The following HMBOX1 variants were observed in gnomAD, a reference collection of about 807,000 sequenced individuals.
The protein encoded by HMBOX1 is homeobox containing 1.
In HMBOX1, 14 loss-of-function variants were observed where a neutral mutation model predicts 54.5. That is an observed-to-expected ratio of 0.26 (90% CI 0.17 to 0.40). The LOEUF is 0.40. Among genes scored for constraint, HMBOX1 ranks in the 10% least tolerant of loss-of-function variants. The pLI is 1.00. For synonymous variants in HMBOX1, 160 were observed against 181.0 expected (o/e 0.88, Z 0.93); for missense variants, 332 against 514.4 (o/e 0.65, Z 3.43).
chr8:28,944,074 T>C (rs1280001618), intron 1 of HMBOX1, among the ~76,000 whole-genome samples: 1 of 152,212 alleles, frequency 6.6e-6, no homozygotes, highest in Non-Finnish European at 1.5e-5. Flanking sequence ...CATCATCTGC[T>C]ACAGGCTAGA....
intron 1 of HMBOX1, among the ~76,000 whole-genome samples, chr8:28,934,805 TAGTCCCAGCTACTCGG>T (rs2131945135): frequency 6.6e-6 from 1 of 151,884 alleles, no homozygotes; most frequent in East Asian, 1.9e-4. Flanking sequence ...CAGGCGCCTG[TAGTCCCAGCTACTCGG>T]AAGGTTGAGG....
intron 3 of HMBOX1, among the ~76,000 whole-genome samples, chr8:28,976,282 A>T (rs910909223): frequency 1.6e-4 from 24 of 152,350 alleles, no homozygotes; most frequent in African/African-American, 5.1e-4. Flanking sequence ...TTAAAAAAAA[A>T]TTTTGCAATG....
intron 1 of HMBOX1, among the ~76,000 whole-genome samples, chr8:28,912,006 A>G (rs900553344): frequency 1.3e-5 from 2 of 152,198 alleles, no homozygotes; most frequent in Non-Finnish European, 2.9e-5. Flanking sequence ...CATATGTGAT[A>G]TGCTACCTTT....
intron 9 of HMBOX1, chr8:29,049,507 C>G (rs958277963): frequency 1.4e-6 from 2 of 1,426,848 alleles, no homozygotes; most frequent in African/African-American, 1.4e-5. Context: ...CCCACTCACT[C>G]TGGCCCCACT....
intron 1 of HMBOX1, among the ~76,000 whole-genome samples, chr8:28,896,092 T>C (rs1812050934): frequency 6.6e-6 from 1 of 152,216 alleles, no homozygotes; most frequent in African/African-American, 2.4e-5. Flanking sequence ...CTATGTGACC[T>C]TGGGCAAATC....
rs1831555436 is a variant in HMBOX1, at chr8:28,994,840, A to G, written c.587-14232A>G. Reference sequence around the variant, plus strand: ...ATGCAAGACAAAATATAAATGGCCAATAAGCATATGAAAAGATGAAAGCAT... The same window carrying G: ...ATGCAAGACAAAATATAAATGGCCAGTAAGCATATGAAAAGATGAAAGCAT... On this transcript the variant is annotated intron_variant, in intron 4 of 9. Coordinates refer to ENST00000287701, the MANE Select transcript of HMBOX1 (RefSeq NM_001135726.3). Among the ~76,000 whole-genome samples the G allele has an allele frequency of 7.2e-5, 11 of 152,312 alleles. 2 individuals are homozygous for G. The South Asian group carries it at 2.3e-3, about 32-fold the overall frequency.
At chr8:28,918,090 T>A (rs1295371036) in intron 1 of HMBOX1, among the ~76,000 whole-genome samples, 1 of 152,220 alleles carries the variant, frequency 6.6e-6, no homozygotes, top group Admixed American at 6.5e-5. Context: ...TCATTGAATA[T>A]TTGGTCAAAT....
In HMBOX1 at chr8:28,960,765, C is replaced by CTTTTTTTTTTTTTTTTTTTTTTTTTT. The variant is rs1162477676; in HGVS notation, c.-57-3032_-57-3007dup. ...TTATTCTCTTTTTCTTTTTCTTTTTCTTTTTTTTTTTTTTTTTTTTTTTTT... is the reference window on the plus strand; with the variant it reads ...TTATTCTCTTTTTCTTTTTCTTTTTCTTTTTTTTTTTTTTTTTTTTTTTTTTTTTTTTTTTTTTTTTTTTTTTTTTT... On this transcript the variant is annotated intron_variant, in intron 1 of 9. Coordinates refer to ENST00000287701, the MANE Select transcript of HMBOX1 (RefSeq NM_001135726.3). 6.8e-4 allele frequency among the ~76,000 whole-genome samples: 11 copies of CTTTTTTTTTTTTTTTTTTTTTTTTTT among 16,264 alleles called. 2 individuals carry two copies. The highest frequency in any genetic ancestry group is 1.1e-3 in the Non-Finnish European group (8 of 7,556). The allele number at this position is 16,264 out of a possible 152,430, so 10.7% of individuals were successfully genotyped here.
At chr8:28,940,090 C>G (rs1821105286) in intron 1 of HMBOX1, among the ~76,000 whole-genome samples, 1 of 151,900 alleles carries the variant, frequency 6.6e-6, no homozygotes, top group Admixed American at 6.6e-5. Flanking sequence ...CTCACCGCAT[C>G]CTCCATCTCC....
intron 5 of HMBOX1, 101 bp downstream of exon 5, chr8:29,009,283 A>G: frequency 1.8e-6 from 2 of 1,098,098 alleles, no homozygotes; most frequent in South Asian, 1.5e-5. Context: ...AGATGGTTTC[A>G]TACTTTACTA....
rs1250246405 is a variant in HMBOX1 at position 29,044,027 on chromosome 8, G to C, written c.852-1334G>C. On this transcript the variant is annotated intron_variant, in intron 6 of 9. Coordinates refer to ENST00000287701, the MANE Select transcript of HMBOX1 (RefSeq NM_001135726.3). ...CAGAAGAAAAAGGTGGTTAGGTGGG[G>C]GCAGCTGCTGTGAGTCAGGACTGCA... is the stretch of plus-strand genomic sequence containing the variant. Among the ~76,000 whole-genome samples, 3 of 152,072 alleles carry C rather than the reference G, an allele frequency of 2.0e-5. No homozygotes were observed. In the East Asian group the frequency reaches 5.8e-4, roughly 29 times the overall value.
At chr8:29,040,304 C>T (rs1179172432) in intron 6 of HMBOX1, among the ~76,000 whole-genome samples, 1 of 152,170 alleles carries the variant, frequency 6.6e-6, no homozygotes, top group East Asian at 1.9e-4. Context: ...TATGCATAGT[C>T]ATGTAATACA....
chr8:28,973,543 G>C (rs950431892), intron 3 of HMBOX1, among the ~76,000 whole-genome samples: 3 of 152,026 alleles, frequency 2.0e-5, no homozygotes, highest in African/African-American at 7.2e-5. Context: ...GGATCTTTCT[G>C]AGTATTCTGT....
intron 1 of HMBOX1, among the ~76,000 whole-genome samples, chr8:28,937,917 TACTTCAGTTATTA>T (rs1820680417): frequency 6.6e-6 from 1 of 152,212 alleles, no homozygotes; most frequent in Admixed American, 6.5e-5. Context: ...ATTTTTTTTA[TACTTCAGTTATTA>T]GGTGTCATCA....
intron 1 of HMBOX1, among the ~76,000 whole-genome samples, chr8:28,962,544 A>G (rs1432197682): frequency 4.6e-5 from 7 of 152,010 alleles, no homozygotes; most frequent in Non-Finnish European, 8.8e-5. Flanking sequence ...TAGATCATCT[A>G]CTCCTCACAC....
intron 1 of HMBOX1, among the ~76,000 whole-genome samples, chr8:28,908,292 A>G (rs1814726946): frequency 6.6e-6 from 1 of 152,266 alleles, no homozygotes; most frequent in Non-Finnish European, 1.5e-5. Context: ...TCCTAGGACC[A>G]TAATTTATTA....
chr8:28,933,374 T>A (rs1006080452), intron 1 of HMBOX1, among the ~76,000 whole-genome samples: 8 of 152,102 alleles, frequency 5.3e-5, no homozygotes, highest in Non-Finnish European at 1.2e-4. Flanking sequence ...GACTGCCAAA[T>A]AAGCGATCTG....
chr8:28,940,316 A>AT (rs1221430838), intron 1 of HMBOX1, among the ~76,000 whole-genome samples: 5 of 151,980 alleles, frequency 3.3e-5, no homozygotes, highest in African/African-American at 7.3e-5. Flanking sequence ...CCTGTTTTAG[A>AT]TTTTTTTTAA....
chr8:29,026,709 A>G (rs537044529), intron 6 of HMBOX1, among the ~76,000 whole-genome samples: 57 of 152,324 alleles, frequency 3.7e-4, no homozygotes, highest in Non-Finnish European at 5.4e-4. Flanking sequence ...TGTCCCAGTC[A>G]CATGTGGATG....
Sources: gnomAD v4.1 joint callset for allele counts (sites outside exome capture counted in the v4.1 genomes callset) on GRCh38, gnomAD v4.1.1 for gene constraint, MANE v1.5 for transcripts, NCBI Gene and HGNC (gene_info 2026-07-23, HGNC 2026-07-21) for gene names.